The following SIPA1L2 variants were observed in gnomAD, a reference collection of about 807,000 sequenced individuals.
The protein encoded by SIPA1L2 is signal-induced proliferation-associated 1-like protein 2.
Under a neutral mutation model 163.9 loss-of-function variants are expected in SIPA1L2, and 56 were observed. That is an observed-to-expected ratio of 0.34 (90% CI 0.28 to 0.43). The LOEUF is 0.43. Ranked by LOEUF, SIPA1L2 falls within the 20% of genes least tolerant of loss-of-function variation. The pLI, the probability that SIPA1L2 is intolerant of heterozygous loss-of-function variation, is 1.00. For missense variants in SIPA1L2, 1,974 were observed against 2,193.5 expected, an observed-to-expected ratio of 0.90 and a Z score of 2.00; for synonymous variants, 877 against 865.7, an observed-to-expected ratio of 1.01 and a Z score of -0.23.
chr1:232,426,742 A>G (rs957104081), intron 17 of SIPA1L2, among the ~76,000 whole-genome samples: 4 of 152,232 alleles, frequency 2.6e-5, no homozygotes, highest in African/African-American at 9.6e-5. Flanking sequence ...CCAGACTTAA[A>G]TGAACCATTA....
At chr1:232,569,831 A>C (rs1386891512) in intron 2 of SIPA1L2, among the ~76,000 whole-genome samples, 1 of 152,130 alleles carries the variant, frequency 6.6e-6, no homozygotes, top group African/African-American at 2.4e-5. Context: ...TAAATAAACA[A>C]AGATAAATTA....
chr1:232,589,571 G>A (rs1011828032), intron 1 of SIPA1L2, among the ~76,000 whole-genome samples: 14 of 152,150 alleles, frequency 9.2e-5, no homozygotes, highest in Non-Finnish European at 1.6e-4. Flanking sequence ...CAAAATAATT[G>A]GTAACCTAAG....
chr1:232,628,631 T>C (rs879288697), intron 1 of SIPA1L2, among the ~76,000 whole-genome samples: 2 of 152,198 alleles, frequency 1.3e-5, no homozygotes, highest in Non-Finnish European at 2.9e-5. Flanking sequence ...TCCGCAAAAA[T>C]ATCGGTATGT....
At chr1:232,557,217 T>C (rs964862785) in intron 2 of SIPA1L2, among the ~76,000 whole-genome samples, 1 of 152,124 alleles carries the variant, frequency 6.6e-6, no homozygotes, top group Non-Finnish European at 1.5e-5. Context: ...TAGGAAGATA[T>C]AACATACAGT....
chr1:232,451,670 G>A (rs1663587576), intron 10 of SIPA1L2, among the ~76,000 whole-genome samples: 1 of 152,116 alleles, frequency 6.6e-6, no homozygotes, highest in Admixed American at 6.5e-5. Context: ...TCAAGTCAAT[G>A]GATGGAAACT....
intron 1 of SIPA1L2, among the ~76,000 whole-genome samples, chr1:232,578,597 T>C (rs762622026): frequency 6.6e-6 from 1 of 152,224 alleles, no homozygotes; most frequent in Non-Finnish European, 1.5e-5. Flanking sequence ...ATAAGTCTTT[T>C]AAAGTCCTGT....
intron 2 of SIPA1L2, among the ~76,000 whole-genome samples, chr1:232,525,151 CG>C (rs1022764416): frequency 1.2e-4 from 18 of 147,824 alleles, no homozygotes; most frequent in South Asian, 4.3e-4. Flanking sequence ...ATTAATTTAA[CG>C]TTTTTTTTTT....
chr1:232,439,530 T>C, intron 14 of SIPA1L2, 34 bp from the exon 15 acceptor site: 1 of 1,582,740 alleles, frequency 6.3e-7, no homozygotes, highest in East Asian at 2.2e-5. Flanking sequence ...AGTTCTCAAG[T>C]GAATCTTGAA....
intron 19 of SIPA1L2, among the ~76,000 whole-genome samples, chr1:232,408,819 CTTTTA>C (rs1473542973): frequency 6.6e-6 from 1 of 152,062 alleles, no homozygotes; most frequent in East Asian, 1.9e-4. Context: ...AATATTTCCT[CTTTTA>C]TTTTAATATT....
chr1:232,576,913 G>C (rs1239333462), intron 1 of SIPA1L2, among the ~76,000 whole-genome samples: 1 of 152,042 alleles, frequency 6.6e-6, no homozygotes, highest in Admixed American at 6.6e-5. Context: ...AGAGAGGTGA[G>C]GAGGCTGCAG....
chr1:232,531,413 G>A (rs1656928745), intron 2 of SIPA1L2, among the ~76,000 whole-genome samples: 1 of 152,138 alleles, frequency 6.6e-6, no homozygotes, highest in Non-Finnish European at 1.5e-5. Context: ...TCAAATGCTG[G>A]CTTAGCCATG....
At chr1:232,573,267 T>C (rs189736386) in intron 2 of SIPA1L2, among the ~76,000 whole-genome samples, 1 of 152,242 alleles carries the variant, frequency 6.6e-6, no homozygotes, top group East Asian at 1.9e-4. Context: ...GAGCAAATGG[T>C]AAAACTGGGA....
At chr1:232,575,490 C>T (rs1435356261) in intron 1 of SIPA1L2, among the ~76,000 whole-genome samples, 7 of 152,120 alleles carry the variant, frequency 4.6e-5, no homozygotes, top group African/African-American at 1.4e-4. Flanking sequence ...CCCTCAACTG[C>T]GGCTGAATGT....
intron 2 of SIPA1L2, among the ~76,000 whole-genome samples, chr1:232,521,110 G>A (rs1185671922): frequency 6.6e-6 from 1 of 152,084 alleles, no homozygotes; most frequent in Non-Finnish European, 1.5e-5. Context: ...TTAAACACTG[G>A]GGTGGTACCA....
chr1:232,505,755 C>A (rs778716497), intron 3 of SIPA1L2, among the ~76,000 whole-genome samples: 2 of 152,140 alleles, frequency 1.3e-5, no homozygotes, highest in Admixed American at 6.5e-5. Flanking sequence ...TGGGACTTGA[C>A]GGGACCTCCG....
chr1:232,434,753 G>T (rs973520607), intron 15 of SIPA1L2, among the ~76,000 whole-genome samples: 1 of 152,182 alleles, frequency 6.6e-6, no homozygotes, highest in African/African-American at 2.4e-5. Context: ...CTACAGAAAA[G>T]GGAAAGGATA....
intron 6 of SIPA1L2, among the ~76,000 whole-genome samples, chr1:232,481,947 T>C (rs142170006): frequency 2.3e-4 from 35 of 152,338 alleles, no homozygotes; most frequent in African/African-American, 8.4e-4. Context: ...AGGAAGATTT[T>C]TGTCTGTTCC....
intron 2 of SIPA1L2, among the ~76,000 whole-genome samples, chr1:232,573,804 TCTTTA>T (rs552689253): frequency 2.8e-4 from 42 of 152,094 alleles, no homozygotes; most frequent in Non-Finnish European, 5.9e-4. Flanking sequence ...CTTTGGCAGC[TCTTTA>T]CCCACCAACA....
At chr1:232,414,607 G>T (rs1481102755) in intron 19 of SIPA1L2, among the ~76,000 whole-genome samples, 1 of 148,744 alleles carries the variant, frequency 6.7e-6, no homozygotes, top group African/African-American at 2.5e-5. Context: ...CTGTGACTCA[G>T]TTACACCATG....
Sources: gnomAD v4.1 joint callset for allele counts (sites outside exome capture counted in the v4.1 genomes callset) on GRCh38, gnomAD v4.1.1 for gene constraint, MANE v1.5 for transcripts, NCBI Gene and HGNC (gene_info 2026-07-23, HGNC 2026-07-21) for gene names.